The following CYREN variants were observed in gnomAD, a reference collection of about 807,000 sequenced individuals.
CYREN encodes cell cycle regulator of NHEJ.
In CYREN, 7 loss-of-function variants were observed where a neutral mutation model predicts 9.7. The ratio of observed to expected loss-of-function variants is 0.72; its 90% CI spans 0.41 to 1.36. The LOEUF is 1.36. CYREN is among the 40% of genes most tolerant of loss of function. CYREN has a pLI of 0.01. For missense variants in CYREN, 215 were observed against 198.1 expected, an observed-to-expected ratio of 1.09 and a Z score of -0.51; for synonymous variants, 76 against 77.9, an observed-to-expected ratio of 0.98 and a Z score of 0.13.
chr7:135,153,217 A>C (rs527880764), intron 2 of CYREN: 1 of 152,386 alleles, frequency 6.6e-6, no homozygotes, highest in Non-Finnish European at 1.5e-5. Flanking sequence ...GCACCTTCAG[A>C]GGCCAAGGTG....
chr7:135,094,637 G>GT (rs750383355), intron 2 of CYREN: 18 of 422,946 alleles, frequency 4.3e-5, no homozygotes, highest in Non-Finnish European at 7.0e-5. Context: ...AGCATTCTCC[G>GT]TAACAAGGGC....
At chr7:135,168,572 G>GT (rs1830410386) in intron 2 of CYREN, 2 of 635,966 alleles carry the variant, frequency 3.1e-6, no homozygotes, top group African/African-American at 3.7e-5. Flanking sequence ...GCACTCACCA[G>GT]TGCAGAGGCA....
At chr7:135,143,581 T>G (rs1829491259) in intron 2 of CYREN, among the ~76,000 whole-genome samples, 1 of 152,088 alleles carries the variant, frequency 6.6e-6, no homozygotes, top group South Asian at 2.1e-4. Flanking sequence ...ACATGAGATA[T>G]CTCTGTACCT....
chr7:135,164,564 C>T (rs1292291588), downstream of CYREN: 10 of 1,614,212 alleles, frequency 6.2e-6, no homozygotes, highest in Non-Finnish European at 8.5e-6. Flanking sequence ...ACCTCACTGA[C>T]CTGCCCAACC....
At chr7:135,109,880 T>C (rs1218840177) in intron 2 of CYREN, among the ~76,000 whole-genome samples, 2 of 152,266 alleles carry the variant, frequency 1.3e-5, no homozygotes, top group African/African-American at 4.8e-5. Flanking sequence ...GCCCATCCTT[T>C]CTCGTGGAAG....
rs541343509 is a variant in CYREN, at chr7:135,154,313, C to T, written n.356+14436G>A. On this transcript the variant is annotated intron_variant and non_coding_transcript_variant, in intron 2 of 2. Coordinates refer to the CYREN transcript ENST00000459937. Reference sequence around the variant, plus strand: ...TTGATCCCAAGAACTAATATATGAACTTTTAGTTTCATTGATCCTTTGTAA... The same window carrying T: ...TTGATCCCAAGAACTAATATATGAATTTTTAGTTTCATTGATCCTTTGTAA... 3.0e-4 allele frequency among the ~76,000 whole-genome samples: 46 copies of T among 152,192 alleles called. No individual in the cohort carries two copies. In the South Asian group the frequency reaches 9.3e-3, roughly 31 times the overall value.
intron 2 of CYREN, among the ~76,000 whole-genome samples, chr7:135,104,076 C>A (rs575448901): frequency 2.0e-4 from 31 of 152,126 alleles, no homozygotes; most frequent in Non-Finnish European, 3.5e-4. Context: ...CCACCCTTCA[C>A]CCTCAAGTAG....
intron 2 of CYREN, chr7:135,129,367 C>T: frequency 1.1e-6 from 1 of 891,726 alleles, no homozygotes; most frequent in Non-Finnish European, 1.9e-6. Context: ...TACCTGCAAG[C>T]AGATAAGGCC....
intron 2 of CYREN, chr7:135,168,126 G>A (rs1830322089): frequency 2.7e-6 from 1 of 377,024 alleles, no homozygotes; most frequent in Admixed American, 4.1e-5. Flanking sequence ...CTCGGGCTGA[G>A]GCTGTACTGA....
chr7:135,165,115 C>T, downstream of CYREN: 1 of 1,338,524 alleles, frequency 7.5e-7, no homozygotes, highest in Non-Finnish European at 1.0e-6. Context: ...GAACCCACTA[C>T]AGAGGAGGTG....
chr7:135,093,550 A>G (rs1822184289), exon 3 of CYREN: 1 of 152,214 alleles, frequency 6.6e-6, no homozygotes, highest in African/African-American at 2.4e-5. Flanking sequence ...TAAATTTTAC[A>G]AAAGAAGTAC....
rs149680056 is a variant in CYREN, at chr7:135,108,137, C to G, written n.357-13555G>C. Among the ~76,000 whole-genome samples the G allele has an allele frequency of 2.4e-3, 360 of 152,246 alleles. 2 individuals carry two copies. The highest frequency in any genetic ancestry group is 8.1e-3 in the African/African-American group (337 of 41,538). On this transcript the variant is annotated intron_variant and non_coding_transcript_variant, in intron 2 of 2. Transcript: ENST00000459937. ...TGTGAGATGGGTCTCTAGAAGATAG[C>G]ATACCATTAGATTTTGCTGTTTTTT...
intron 2 of CYREN, among the ~76,000 whole-genome samples, chr7:135,149,768 T>A (rs1169002545): frequency 6.6e-6 from 1 of 152,114 alleles, no homozygotes; most frequent in African/African-American, 2.4e-5. Context: ...AGTTACAGAA[T>A]TTTTTTTCAT....
In CYREN at chr7:135,144,938, T is replaced by TAAAAAAAA. The variant is rs58443282; in HGVS notation, n.356+23803_356+23810dup. Among the ~76,000 whole-genome samples the TAAAAAAAA allele has an allele frequency of 8.6e-3, 392 of 45,620 alleles. 7 individuals are homozygous for TAAAAAAAA. The highest frequency in any genetic ancestry group is 9.1e-3 in the Non-Finnish European group (248 of 27,286). 29.9% of individuals were successfully genotyped at this position (45,620 alleles called of 152,430 possible). On this transcript the variant is annotated intron_variant and non_coding_transcript_variant, in intron 2 of 2. Transcript: ENST00000459937. ...ACAGAGAGACCCTGTCTCAAAAGAGTAAAAAAAAAAAAAAAAAAAAAAAAA... is the reference window on the plus strand; with the variant it reads ...ACAGAGAGACCCTGTCTCAAAAGAGTAAAAAAAAAAAAAAAAAAAAAAAAAAAAAAAAA...
At chr7:135,113,143 T>C (rs997926588) in intron 2 of CYREN, among the ~76,000 whole-genome samples, 3 of 152,216 alleles carry the variant, frequency 2.0e-5, no homozygotes, top group Non-Finnish European at 4.4e-5. Context: ...ATAAGTTCAT[T>C]TCATTTGCCA....
intron 2 of CYREN, among the ~76,000 whole-genome samples, chr7:135,156,333 C>G (rs1829791180): frequency 6.6e-6 from 1 of 152,154 alleles, no homozygotes; most frequent in South Asian, 2.1e-4. Context: ...CTCAGAAATA[C>G]CAATAATTCA....
intron 2 of CYREN, chr7:135,128,586 T>C (rs1322669599): frequency 7.8e-6 from 6 of 771,912 alleles, no homozygotes; most frequent in African/African-American, 1.7e-5. Context: ...AAGATGTTTG[T>C]GAGCGCTATC....
chr7:135,128,344 G>T, intron 2 of CYREN: 2 of 242,762 alleles, frequency 8.2e-6, no homozygotes, highest in East Asian at 8.7e-5. Context: ...AAAACAACAA[G>T]GCATTTGTAA....
chr7:135,168,448 C>T (rs866444849), intron 2 of CYREN: 1 of 358,540 alleles, frequency 2.8e-6, no homozygotes. Flanking sequence ...TTCCACTGAT[C>T]TTGCCCATCT....
Sources: allele counts gnomAD v4.1 joint callset (sites outside exome capture counted in the v4.1 genomes callset), GRCh38; gene constraint gnomAD v4.1.1; transcripts MANE v1.5; gene names NCBI Gene and HGNC (gene_info 2026-07-23, HGNC 2026-07-21).